The following KMT2A variants were observed in gnomAD, a reference collection of about 807,000 sequenced individuals.
The protein encoded by KMT2A is histone-lysine N-methyltransferase 2A.
Under a neutral mutation model 345.3 loss-of-function variants are expected in KMT2A, and 16 were observed. The ratio of observed to expected loss-of-function variants is 0.05; its 90% CI spans 0.03 to 0.07. KMT2A has a LOEUF of 0.07. Among genes scored for constraint, KMT2A ranks in the 10% least tolerant of loss-of-function variants. The pLI, the probability that KMT2A is intolerant of heterozygous loss-of-function variation, is 1.00. For missense variants in KMT2A, 3,272 were observed against 4,841.6 expected (o/e 0.68, Z 9.62); for synonymous variants, 1,599 against 1,778.6 (o/e 0.90, Z 2.54).
rs1461589812 is a variant in KMT2A, at chr11:118,489,039, T to G, written c.4479+279T>G. The stretch of plus-strand genomic sequence containing the variant: ...AGTTCGAGACCAGCCTGAGCCAACA[T>G]GGTGAAACCCCATCTCTACTAAAAA... On this transcript the variant is annotated intron_variant, in intron 11 of 35. Coordinates refer to ENST00000534358, the MANE Select transcript of KMT2A (RefSeq NM_001197104.2). Among the ~76,000 whole-genome samples, 7 of 152,002 alleles carry G rather than the reference T, an allele frequency of 4.6e-5. No individual in the cohort carries two copies. In the East Asian group the frequency reaches 1.3e-3, roughly 29 times the overall value.
In KMT2A at chr11:118,473,218, A is replaced by C; in HGVS notation, c.2059A>C (p.Arg687=). ...GTTTTCGCCACTCCATTCTGGAACA[A>C]GGTTTGATATGCACAAAAGGAGCCC... ...RLFSPLHSGT[R]FDMHKRSPLL... The change falls in exon 3 of 36, where the codon AGG becomes CGG. Residue 687 remains arginine (R), a synonymous_variant. Transcript: ENST00000534358. This position sits in a 1 kb window ranked among gnomAD's most constrained non-coding sequence, Gnocchi z 5.2. The C allele has an allele frequency of 6.2e-7, 1 of 1,612,718 alleles. No homozygotes were observed. Among genetic ancestry groups the C allele is most frequent in the Non-Finnish European group, 8.5e-7 (1 of 1,179,354 alleles).
chr11:118,443,427 G>A (rs1949354496), intron 1 of KMT2A, among the ~76,000 whole-genome samples: 1 of 152,134 alleles, frequency 6.6e-6, no homozygotes, highest in Non-Finnish European at 1.5e-5. Flanking sequence ...TACACACCAG[G>A]GGAAGCCAAC....
At position 118,509,309 on chromosome 11, in the gene KMT2A, G is replaced by A. The variant is rs1370575311; in HGVS notation, c.10900+109G>A. On this transcript the variant is annotated intron_variant, in intron 29 of 35. Transcript: ENST00000534358. ...TCTACATTTAAAAAAAAAAATCTAA[G>A]CTCCAAAGAAGTTAAGTGATTTGGC... The A allele has an allele frequency of 4.4e-6, 4 of 906,746 alleles. No homozygotes were observed. The African/African-American group carries it at 5.1e-5, about 12-fold the overall frequency. The allele number at this position is 906,746 out of a possible 1,614,324, so 56.2% of individuals were successfully genotyped here.
Position 118,524,093 on chromosome 11 carries a change from A to T in KMT2A, c.*1921A>T. Reference sequence around the variant, plus strand: ...GGCAACTTGACATTTTTGCATCACCATCTGCCTCATAGGCCACTCTTTCCT... The same window carrying T: ...GGCAACTTGACATTTTTGCATCACCTTCTGCCTCATAGGCCACTCTTTCCT... On this transcript the variant is annotated 3_prime_UTR_variant, in exon 36 of 36. Transcript: ENST00000534358. The T allele has an allele frequency of 5.3e-6, 1 of 188,218 alleles. No homozygotes were observed. 11.7% of individuals were successfully genotyped at this position (188,218 alleles called of 1,614,324 possible).
rs11430367 is a variant in KMT2A, at chr11:118,477,498, C to CTTTTTTTTTTTTTTTTTTTT, written c.3335-461_3335-442dup. ...CTTTCATCAAGATGCAAGTTATTGG[C>CTTTTTTTTTTTTTTTTTTTT]TTTTTTTTTTTTTTTTTTTTTTTTT... On this transcript the variant is annotated intron_variant, in intron 4 of 35. Coordinates refer to ENST00000534358, the MANE Select transcript of KMT2A (RefSeq NM_001197104.2). Among the ~76,000 whole-genome samples, 21 of 56,944 alleles carry CTTTTTTTTTTTTTTTTTTTT rather than the reference C, an allele frequency of 3.7e-4. 5 individuals are homozygous for CTTTTTTTTTTTTTTTTTTTT. Among genetic ancestry groups the CTTTTTTTTTTTTTTTTTTTT allele is most frequent in the African/African-American group, 1.0e-3 (13 of 12,984 alleles). The allele number at this position is 56,944 out of a possible 152,430, so 37.4% of individuals were successfully genotyped here.
At chr11:118,454,841 A>AT (rs879979135) in intron 1 of KMT2A, among the ~76,000 whole-genome samples, 268 of 146,186 alleles carry the variant, frequency 1.8e-3, no homozygotes, top group South Asian at 4.6e-3. Context: ...AAAATGGTTA[A>AT]TTTTTTTTTT....
rs1555138558 is a variant in KMT2A, at chr11:118,436,683, C to G, written c.171C>G (p.Pro57=). Residue 57 remains proline (P), a synonymous_variant, in exon 1 of 36, where the codon CCC becomes CCG. Coordinates refer to ENST00000534358, the MANE Select transcript of KMT2A (RefSeq NM_001197104.2). The surrounding 1 kb of genome is among the most constrained non-coding windows in gnomAD (Gnocchi z 6.9). The part of the protein sequence containing the change: ...GGGGPGAPPS[P]PAVAAAAAAA... ...GCGGCCCCGGGGCGCCCCCCTCCCC[C>G]CCGGCTGTGGCGGCCGCGGCGGCGG... is the stretch of plus-strand genomic sequence containing the variant. 6 of 1,273,960 alleles carry G rather than the reference C, an allele frequency of 4.7e-6. No individual in the cohort carries two copies. The highest frequency in any genetic ancestry group is 6.0e-6 in the Non-Finnish European group (6 of 1,008,106). 78.9% of individuals were successfully genotyped at this position (1,273,960 alleles called of 1,614,324 possible).
chr11:118,508,475 G>A (rs1425944197), intron 28 of KMT2A, among the ~76,000 whole-genome samples: 1 of 152,184 alleles, frequency 6.6e-6, no homozygotes, highest in Non-Finnish European at 1.5e-5. Flanking sequence ...AGTGGCTCAT[G>A]CCTGTAATCC....
rs1216905602 is a variant in KMT2A at position 118,524,106 on chromosome 11, GC to G, written c.*1936del. The G allele has an allele frequency of 5.4e-6, 1 of 186,346 alleles. No homozygotes were observed. The highest frequency in any genetic ancestry group is 1.1e-5 in the Non-Finnish European group (1 of 87,890). The allele number at this position is 186,346 out of a possible 1,614,324, so 11.5% of individuals were successfully genotyped here. On this transcript the variant is annotated 3_prime_UTR_variant, in exon 36 of 36. Transcript: ENST00000534358. ...TTTTGCATCACCATCTGCCTCATAG[GC>G]CACTCTTTCCTTTCCCTCTGCCCAC...
Position 118,473,049 on chromosome 11 carries a change from A to G in KMT2A, c.1890A>G (p.Gln630=), listed in dbSNP as rs2134264957. The change falls in exon 3 of 36, where the codon CAA becomes CAG. Residue 630 remains glutamine (Q), a synonymous_variant. Coordinates refer to ENST00000534358, the MANE Select transcript of KMT2A (RefSeq NM_001197104.2). The surrounding 1 kb of genome is among the most constrained non-coding windows in gnomAD (Gnocchi z 5.2). Reference sequence around the variant, plus strand: ...TAAAGCATTCTAGGTCAGAGCCACAATACTTTTCCTCAGCAAAGTATGCCA... The same window carrying G: ...TAAAGCATTCTAGGTCAGAGCCACAGTACTTTTCCTCAGCAAAGTATGCCA... ...TSLKHSRSEP[Q]YFSSAKYAKE... is the part of the protein sequence containing the mutation. 1 of 1,614,212 alleles carries G rather than the reference A, an allele frequency of 6.2e-7. No homozygotes were observed. Among genetic ancestry groups the G allele is most frequent in the Non-Finnish European group, 8.5e-7 (1 of 1,180,042 alleles).
intron 1 of KMT2A, among the ~76,000 whole-genome samples, chr11:118,462,597 C>A (rs1555033017): frequency 6.6e-6 from 1 of 152,126 alleles, no homozygotes; most frequent in Non-Finnish European, 1.5e-5. Context: ...CTCGCTCTGT[C>A]GCCCAGGCTG....
chr11:118,498,037 G>T lies in KMT2A; in HGVS notation c.5766G>T (p.Lys1922Asn), dbSNP rs782104513. The part of the protein sequence containing the change: ...EVFEDDDGSL[K>N]NVHMAVIRGK... ...TTGAAGATGATGACGGATCACTAAA[G>T]AATGTGCATATGGCTGTGATCAGGG... Residue 1922 changes from lysine to asparagine, a missense_variant, in exon 21 of 36, where the codon AAG (lysine) becomes AAT (asparagine). By Grantham distance (94) the Lys-to-Asn change is moderately conservative. This residue lies in a region of KMT2A where 235 missense variants were observed against 503.4 expected (regional missense o/e 0.47). Transcript: ENST00000534358. This position sits in a 1 kb window ranked among gnomAD's most constrained non-coding sequence, Gnocchi z 4.4. The T allele has an allele frequency of 1.9e-6, 3 of 1,614,116 alleles. No individual in the cohort carries two copies. The Admixed American group carries it at 5.0e-5, about 27-fold the overall frequency.
chr11:118,467,408 AG>A (rs1949865668), intron 1 of KMT2A, among the ~76,000 whole-genome samples: 2 of 152,176 alleles, frequency 1.3e-5, no homozygotes, highest in East Asian at 3.9e-4. Flanking sequence ...ATACTTTTTC[AG>A]ATGTCTTTGA....
At chr11:118,458,752 G>A (rs1555031651) in intron 1 of KMT2A, among the ~76,000 whole-genome samples, 1 of 152,198 alleles carries the variant, frequency 6.6e-6, no homozygotes, top group African/African-American at 2.4e-5. Context: ...GGGGAAATGT[G>A]CCAGCTGAAG....
At position 118,505,470 on chromosome 11, in the gene KMT2A, C is replaced by A. The variant is rs1555047790; in HGVS notation, c.9578C>A (p.Pro3193His). 6.2e-7 allele frequency: 1 copy of A among 1,614,042 alleles called. No individual in the cohort carries two copies. The highest frequency in any genetic ancestry group is 1.3e-5 in the African/African-American group (1 of 74,910). ...PPSGLLIGVQ[P>H]PPDPQLLVSE... ...TCAGGCCTGCTTATTGGGGTTCAGCCTCCTCCGGATCCCCAACTTTTGGTT... is the reference window on the plus strand; with the variant it reads ...TCAGGCCTGCTTATTGGGGTTCAGCATCCTCCGGATCCCCAACTTTTGGTT... Residue 3193 changes from proline (P) to histidine (H), a missense_variant, in exon 27 of 36, where the codon CCT becomes CAT. By Grantham distance (77) the Pro-to-His change is moderately conservative. Transcript: ENST00000534358. This position sits in a 1 kb window ranked among gnomAD's most constrained non-coding sequence, Gnocchi z 4.6.
At chr11:118,492,490 T>TTG (rs1950340741) in intron 15 of KMT2A, among the ~76,000 whole-genome samples, 1 of 152,168 alleles carries the variant, frequency 6.6e-6, no homozygotes, top group African/African-American at 2.4e-5. Context: ...CCATCCTGGC[T>TTG]AACACGGTGA....
At chr11:118,464,382 A>G (rs1555033607) in intron 1 of KMT2A, among the ~76,000 whole-genome samples, 1 of 152,144 alleles carries the variant, frequency 6.6e-6, no homozygotes, top group Non-Finnish European at 1.5e-5. Flanking sequence ...CTAAAAATAC[A>G]AAAATAACCA....
Position 118,491,156 on chromosome 11 carries a change from G to A in KMT2A, c.4697-40G>A. ...TCGAGGGCCGTAAAAACACGGGTAT[G>A]TGAGCCAAAGCACTGCTGTAAACTT... On this transcript the variant is annotated intron_variant, in intron 13 of 35. Transcript: ENST00000534358. This position sits in a 1 kb window ranked among gnomAD's most constrained non-coding sequence, Gnocchi z 4.2. 2 of 1,604,676 alleles carry A rather than the reference G, an allele frequency of 1.2e-6. No individual in the cohort carries two copies. The highest frequency in any genetic ancestry group is 2.7e-5 in the African/African-American group (2 of 74,576).
At chr11:118,455,046 G>A (rs1308704108) in intron 1 of KMT2A, among the ~76,000 whole-genome samples, 1 of 151,672 alleles carries the variant, frequency 6.6e-6, no homozygotes, top group Non-Finnish European at 1.5e-5. Context: ...TTTCTTCTTA[G>A]AGACAGGGTT....
Sources: gnomAD v4.1 joint callset for allele counts (sites outside exome capture counted in the v4.1 genomes callset) on GRCh38, gnomAD v4.1.1 for gene constraint, gnomAD v4.1.1 regional missense constraint, Gnocchi (gnomAD v3.1) non-coding constraint, MANE v1.5 for transcripts, NCBI Gene and HGNC (gene_info 2026-07-23, HGNC 2026-07-21) for gene names.